CEP63: variants seen among roughly 807,000 people sequenced by gnomAD.
The protein encoded by CEP63 is centrosomal protein of 63 kDa.
A neutral mutation model predicts 89.1 loss-of-function variants in CEP63; 84 were observed. That is an observed-to-expected ratio of 0.94 (90% CI 0.79 to 1.13). The LOEUF is 1.13. Ranked by LOEUF, CEP63 falls within the 50% of genes most tolerant of loss-of-function variation. The pLI is 0.00. For synonymous variants in CEP63, 267 were observed against 272.5 expected (o/e 0.98, Z 0.20); for missense variants, 838 against 813.3 (o/e 1.03, Z -0.37).
At chr3:134,519,794 A>G (rs1371229749) in intron 3 of CEP63, among the ~76,000 whole-genome samples, 2 of 152,202 alleles carry the variant, frequency 1.3e-5, no homozygotes, top group Non-Finnish European at 2.9e-5. Flanking sequence ...TCATAAATCA[A>G]CATAATTCAT....
the CEP63 span, chr3:134,608,111 C>T: frequency 8.9e-7 from 1 of 1,128,580 alleles, no homozygotes; most frequent in Non-Finnish European, 1.1e-6. Flanking sequence ...TGTTGCTCCC[C>T]ATCCTTGCTG....
At chr3:134,540,056 C>T (rs1260934263) in intron 6 of CEP63, among the ~76,000 whole-genome samples, 2 of 152,044 alleles carry the variant, frequency 1.3e-5, no homozygotes, top group Non-Finnish European at 2.9e-5. Context: ...TTAAAAAGTC[C>T]TGAGAGTAGC....
chr3:134,701,840 C>T, the CEP63 span, among the ~76,000 whole-genome samples: 1 of 152,096 alleles, frequency 6.6e-6, no homozygotes, highest in African/African-American at 2.4e-5. Flanking sequence ...ATCATCTCAG[C>T]CCAAAAGCTT....
chr3:134,624,022 G>A, the CEP63 span, among the ~76,000 whole-genome samples: 2 of 152,164 alleles, frequency 1.3e-5, no homozygotes, highest in Admixed American at 1.3e-4. Context: ...TGGCTGCCCA[G>A]GGGGCATTTC....
At chr3:134,494,930 G>A (rs1939252186) in intron 1 of CEP63, among the ~76,000 whole-genome samples, 1 of 152,110 alleles carries the variant, frequency 6.6e-6, no homozygotes, top group Admixed American at 6.5e-5. Flanking sequence ...CCTCTGACAT[G>A]TGTGAACCCA....
intron 2 of CEP63, among the ~76,000 whole-genome samples, chr3:134,499,884 C>T (rs899845205): frequency 7.6e-6 from 1 of 131,208 alleles, no homozygotes; most frequent in South Asian, 2.5e-4. Flanking sequence ...AGTGCAGTAG[C>T]ATGATCTTGG....
intron 3 of CEP63, among the ~76,000 whole-genome samples, chr3:134,507,496 G>T (rs1189425893): frequency 6.6e-6 from 1 of 151,956 alleles, no homozygotes; most frequent in Non-Finnish European, 1.5e-5. Flanking sequence ...TTTTACCTTG[G>T]TTACATATAA....
the CEP63 span, among the ~76,000 whole-genome samples, chr3:134,597,116 G>A: frequency 6.6e-6 from 1 of 152,114 alleles, no homozygotes; most frequent in East Asian, 1.9e-4. Context: ...CCAGAGTGGG[G>A]GTCTAGTCTC....
the CEP63 span, among the ~76,000 whole-genome samples, chr3:134,633,689 G>A: frequency 6.6e-6 from 1 of 152,018 alleles, no homozygotes; most frequent in African/African-American, 2.4e-5. Context: ...TCCTAATATT[G>A]GGAACAAGTC....
intron 3 of CEP63, among the ~76,000 whole-genome samples, chr3:134,510,054 G>T (rs182624175): frequency 1.3e-5 from 2 of 152,278 alleles, no homozygotes; most frequent in Non-Finnish European, 2.9e-5. Context: ...GAGAGGGAGA[G>T]AATTAACAGC....
the CEP63 span, among the ~76,000 whole-genome samples, chr3:134,766,081 G>A: frequency 1.3e-5 from 2 of 152,228 alleles, no homozygotes; most frequent in Non-Finnish European, 2.9e-5. Flanking sequence ...ATCAACTTGT[G>A]TGGGAAGAAG....
the CEP63 span, among the ~76,000 whole-genome samples, chr3:134,738,227 A>G: frequency 6.8e-6 from 1 of 147,436 alleles, no homozygotes; most frequent in Non-Finnish European, 1.5e-5. Context: ...ATTCCTTTTT[A>G]TGGCTGCGTA....
chr3:134,687,786 G>A, the CEP63 span, among the ~76,000 whole-genome samples: 4 of 152,186 alleles, frequency 2.6e-5, no homozygotes, highest in Non-Finnish European at 4.4e-5. Context: ...TGGCAGGATG[G>A]AGGCAGCCTC....
intron 11 of CEP63, among the ~76,000 whole-genome samples, chr3:134,574,626 G>T (rs1958148296): frequency 6.6e-6 from 1 of 151,748 alleles, no homozygotes; most frequent in Admixed American, 6.6e-5. Context: ...TGTTTTTTTG[G>T]TTATAGAGTC....
intron 11 of CEP63, among the ~76,000 whole-genome samples, chr3:134,572,225 A>C (rs1958037865): frequency 6.6e-6 from 1 of 152,100 alleles, no homozygotes; most frequent in South Asian, 2.1e-4. Context: ...GTCAGTCTTG[A>C]CTCTAAGAAC....
the CEP63 span, among the ~76,000 whole-genome samples, chr3:134,694,988 C>G: frequency 6.6e-6 from 1 of 152,132 alleles, no homozygotes; most frequent in African/African-American, 2.4e-5. Context: ...AGACCAGGGT[C>G]TTGAGGGAAA....
the CEP63 span, among the ~76,000 whole-genome samples, chr3:134,747,298 C>G: frequency 1.2e-4 from 19 of 152,098 alleles, no homozygotes; most frequent in South Asian, 2.1e-4. Context: ...GTTTTGGTAC[C>G]AGTACCATGC....
At chr3:134,500,066 T>TC (rs1363301388) in intron 2 of CEP63, among the ~76,000 whole-genome samples, 1 of 151,830 alleles carries the variant, frequency 6.6e-6, no homozygotes, top group Admixed American at 6.6e-5. Context: ...TCTCAAGTGA[T>TC]CCCCCCGCCT....
At chr3:134,665,629 G>T in the CEP63 span, among the ~76,000 whole-genome samples, 1 of 149,400 alleles carries the variant, frequency 6.7e-6, no homozygotes, top group Non-Finnish European at 1.5e-5. Flanking sequence ...GAAGACAGGG[G>T]AAGAGAGAGA....
Sources: allele counts gnomAD v4.1 joint callset (sites outside exome capture counted in the v4.1 genomes callset), GRCh38; gene constraint gnomAD v4.1.1; transcripts MANE v1.5; gene names NCBI Gene and HGNC (gene_info 2026-07-23, HGNC 2026-07-21).